CCDC60: variants seen among roughly 807,000 people sequenced by gnomAD.
The protein encoded by CCDC60 is coiled-coil domain containing 60, also known as coiled-coil domain-containing protein 60.
A neutral mutation model predicts 63.5 loss-of-function variants in CCDC60; 54 were observed. That is an observed-to-expected ratio of 0.85 (90% CI 0.68 to 1.07). CCDC60 has a LOEUF of 1.07. Among genes scored for constraint, CCDC60 ranks in the 50% least tolerant of loss-of-function variants. CCDC60 has a pLI of 0.00. For synonymous variants in CCDC60, 206 were observed against 238.8 expected (o/e 0.86, Z 1.27); for missense variants, 651 against 684.3 (o/e 0.95, Z 0.54).
At position 119,490,287 on chromosome 12, in the gene CCDC60, T is replaced by A. The variant is rs556117041; in HGVS notation, c.557+1421T>A. Among the ~76,000 whole-genome samples, 132 of 152,348 alleles carry A rather than the reference T, an allele frequency of 8.7e-4. 1 individual carries two copies. Among genetic ancestry groups the A allele is most frequent in the African/African-American group, 3.1e-3 (127 of 41,582 alleles). ...TCAGTGTTTTTGGTTGGGATAATTTTAAAACTACAGTCTCTTTTGATACAA... is the reference window on the plus strand; with the variant it reads ...TCAGTGTTTTTGGTTGGGATAATTTAAAAACTACAGTCTCTTTTGATACAA... On this transcript the variant is annotated intron_variant, in intron 5 of 13. Transcript: ENST00000327554.
intron 1 of CCDC60, among the ~76,000 whole-genome samples, chr12:119,352,174 A>G (rs1001866971): frequency 1.3e-5 from 2 of 152,118 alleles, no homozygotes; most frequent in African/African-American, 4.8e-5. Context: ...AAACAACTAG[A>G]GATCATGAGA....
rs1452403674 is a variant in CCDC60, at chr12:119,456,067, GCA to G, written c.171-15926_171-15925del. ...AGAAAGAAAGAAAGAAAGAAAGCAA[GCA>G]AGCATGTGCAATTTCAAGGGGGTAG... On this transcript the variant is annotated intron_variant, in intron 2 of 13. Coordinates refer to ENST00000327554, the MANE Select transcript of CCDC60 (RefSeq NM_178499.5). This position sits in a 1 kb window ranked among gnomAD's most constrained non-coding sequence, Gnocchi z 4.6. Among the ~76,000 whole-genome samples, 1 of 96,152 alleles carries G rather than the reference GCA, an allele frequency of 1.0e-5. No homozygotes were observed. The highest frequency in any genetic ancestry group is 4.0e-4 in the East Asian group (1 of 2,506). The allele number at this position is 96,152 out of a possible 152,430, so 63.1% of individuals were successfully genotyped here. A position where few individuals can be genotyped will look rare whatever the true frequency, so the allele number is the denominator to read the frequency against.
Position 119,523,829 on chromosome 12 carries a change from A to C in CCDC60, c.1229+11A>C. ...GGAAATCCTCATGAAGTAAGCGCAC[A>C]TATATATCCATTCATTCAAACAGCA... On this transcript the variant is annotated intron_variant, in intron 11 of 13. Transcript: ENST00000327554. The C allele has an allele frequency of 6.2e-7, 1 of 1,613,606 alleles. No homozygotes were observed. Among genetic ancestry groups the C allele is most frequent in the African/African-American group, 1.3e-5 (1 of 75,044 alleles).
chr12:119,438,593 CA>C (rs1950373548), intron 2 of CCDC60, among the ~76,000 whole-genome samples: 1 of 152,168 alleles, frequency 6.6e-6, no homozygotes, highest in East Asian at 1.9e-4. Flanking sequence ...AGAGAGATAA[CA>C]AGATCTATTC....
rs576607441 is a variant in CCDC60, at chr12:119,517,743, C to T, written c.968+1036C>T. Reference sequence around the variant, plus strand: ...ATTCTGGTTTTTATTCTAAGAGCAGCGGGAATCCTTTGAAGTTTCAAGCCA... The same window carrying T: ...ATTCTGGTTTTTATTCTAAGAGCAGTGGGAATCCTTTGAAGTTTCAAGCCA... On this transcript the variant is annotated intron_variant, in intron 8 of 13. Coordinates refer to ENST00000327554, the MANE Select transcript of CCDC60 (RefSeq NM_178499.5). 3.3e-5 allele frequency among the ~76,000 whole-genome samples: 5 copies of T among 152,232 alleles called. 1 individual carries two copies. The highest frequency in any genetic ancestry group is 4.2e-4 in the South Asian group (2 of 4,814).
chr12:119,522,695 C>T (rs189189463), intron 9 of CCDC60, among the ~76,000 whole-genome samples: 22 of 152,196 alleles, frequency 1.4e-4, no homozygotes, highest in East Asian at 7.7e-4. Flanking sequence ...TGCTGTGGAC[C>T]GTAAGGCAGG....
At chr12:119,444,922 A>G (rs554947398) in intron 2 of CCDC60, among the ~76,000 whole-genome samples, 55 of 152,164 alleles carry the variant, frequency 3.6e-4, no homozygotes, top group African/African-American at 1.1e-3. Context: ...GGAAGAGCAA[A>G]ATGGCTTTTT....
Position 119,519,434 on chromosome 12 carries a change from T to TGCGCACGC in CCDC60, c.969-683_969-682insACGCGCGC, listed in dbSNP as rs1555255230. 2.5e-4 allele frequency among the ~76,000 whole-genome samples: 30 copies of TGCGCACGC among 122,008 alleles called. 1 individual carries two copies. The highest frequency in any genetic ancestry group is 5.8e-4 in the African/African-American group (19 of 32,582). 80.0% of individuals were successfully genotyped at this position (122,008 alleles called of 152,430 possible). A position where few individuals can be genotyped will look rare whatever the true frequency, so the allele number is the denominator to read the frequency against. On this transcript the variant is annotated intron_variant, in intron 8 of 13. Transcript: ENST00000327554. The stretch of plus-strand genomic sequence containing the variant: ...GTGTGTGTGTGTGTGTGTGTGTGTG[T>TGCGCACGC]GCGCGTGTGTGTGTGTGTATATATA...
chr12:119,337,816 GTGTGTATT>G (rs917671154), intron 1 of CCDC60, among the ~76,000 whole-genome samples: 3 of 128,992 alleles, frequency 2.3e-5, no homozygotes, highest in Admixed American at 8.4e-5. Flanking sequence ...GCATGTGTGT[GTGTGTATT>G]TGTGTGTGTG....
chr12:119,450,245 T>C (rs1035517691), intron 2 of CCDC60, among the ~76,000 whole-genome samples: 3 of 117,638 alleles, frequency 2.6e-5, no homozygotes, highest in Non-Finnish European at 4.8e-5. Flanking sequence ...ATAATGGGCA[T>C]TGGAGACCAG....
chr12:119,530,465 C>A (rs767938425), intron 12 of CCDC60, among the ~76,000 whole-genome samples: 1 of 152,114 alleles, frequency 6.6e-6, no homozygotes, highest in Non-Finnish European at 1.5e-5. Context: ...AGAAAATACA[C>A]ACACACACCG....
chr12:119,337,834 G>GTGTA (rs1555229735), intron 1 of CCDC60, among the ~76,000 whole-genome samples: 11 of 148,060 alleles, frequency 7.4e-5, no homozygotes, highest in Non-Finnish European at 1.5e-4. Context: ...TTGTGTGTGT[G>GTGTA]TGTGTGTGTG....
intron 1 of CCDC60, among the ~76,000 whole-genome samples, chr12:119,365,015 G>C (rs1004383605): frequency 6.6e-6 from 1 of 152,230 alleles, no homozygotes; most frequent in Non-Finnish European, 1.5e-5. Context: ...CATCTACACA[G>C]TGAGGCAGAT....
intron 4 of CCDC60, among the ~76,000 whole-genome samples, chr12:119,486,041 C>A (rs1267515806): frequency 6.6e-6 from 1 of 152,148 alleles, no homozygotes; most frequent in Non-Finnish European, 1.5e-5. Context: ...ACAGAAGAAC[C>A]CATAGGCCTC....
intron 1 of CCDC60, among the ~76,000 whole-genome samples, chr12:119,403,073 G>A (rs1956421986): frequency 6.6e-6 from 1 of 152,126 alleles, no homozygotes; most frequent in South Asian, 2.1e-4. Context: ...TCATTCTCAG[G>A]CAGGCTTTAC....
At chr12:119,431,640 G>A (rs762468940) in intron 2 of CCDC60, among the ~76,000 whole-genome samples, 12 of 151,934 alleles carry the variant, frequency 7.9e-5, no homozygotes, top group Non-Finnish European at 1.3e-4. Context: ...GGCTGTTATC[G>A]TCATTGTTTT....
At chr12:119,469,056 G>T (rs1485163604) in intron 2 of CCDC60, among the ~76,000 whole-genome samples, 1 of 151,824 alleles carries the variant, frequency 6.6e-6, no homozygotes, top group African/African-American at 2.4e-5. Context: ...GAAAACACAG[G>T]TAAAATACAT....
intron 1 of CCDC60, among the ~76,000 whole-genome samples, chr12:119,346,774 C>CTTTCTT (rs71451837): frequency 3.2e-5 from 4 of 125,296 alleles, no homozygotes; most frequent in Non-Finnish European, 4.9e-5. Context: ...ACTCATCTTT[C>CTTTCTT]TCTTTCTTTC....
In CCDC60 at chr12:119,540,780, C is replaced by T; in HGVS notation, c.*65C>T. Reference sequence around the variant, plus strand: ...TTTGCCTATATCATGTTCCTGTATCCTGCCTGTGTTCCTGCCTCCTGACTA... The same window carrying T: ...TTTGCCTATATCATGTTCCTGTATCTTGCCTGTGTTCCTGCCTCCTGACTA... On this transcript the variant is annotated 3_prime_UTR_variant, in exon 14 of 14. Transcript: ENST00000327554. 3.4e-6 allele frequency: 4 copies of T among 1,161,352 alleles called. No individual in the cohort carries two copies. The South Asian group carries it at 3.8e-5, about 11-fold the overall frequency. 71.9% of individuals were successfully genotyped at this position (1,161,352 alleles called of 1,614,324 possible). A position where few individuals can be genotyped will look rare whatever the true frequency, so the allele number is the denominator to read the frequency against.
Sources: allele counts gnomAD v4.1 joint callset (sites outside exome capture counted in the v4.1 genomes callset), GRCh38; gene constraint gnomAD v4.1.1; non-coding constraint Gnocchi (gnomAD v3.1); transcripts MANE v1.5; gene names NCBI Gene and HGNC (gene_info 2026-07-23, HGNC 2026-07-21).